Variants in SMYD3 observed in about 807,000 individuals in gnomAD.
SMYD3 encodes the protein SET and MYND domain containing 3, also known as histone-lysine N-methyltransferase SMYD3.
Under a neutral mutation model 57.7 loss-of-function variants are expected in SMYD3, and 36 were observed. The ratio of observed to expected loss-of-function variants is 0.62; its 90% confidence interval spans 0.48 to 0.82. The LOEUF is 0.82. SMYD3 is among the 40% of genes least tolerant of loss of function. SMYD3 has a pLI of 0.00. For missense variants in SMYD3, 515 were observed against 538.8 expected (o/e 0.96, Z 0.44); for synonymous variants, 211 against 195.0 (o/e 1.08, Z -0.68).
rs1025101352 is a variant in SMYD3 at position 245,907,934 on chromosome 1, G to A, written c.813+7596C>T. 7.9e-5 allele frequency among the ~76,000 whole-genome samples: 12 copies of A among 152,158 alleles called. No homozygotes were observed. The South Asian group carries it at 1.0e-3, about 13-fold the overall frequency. On this transcript the variant is annotated intron_variant, in intron 8 of 11. Transcript: ENST00000490107. ...GGGCAGATCACGAGGTCAGGAGATC[G>A]AGACCATCCTGGCCAATATGATGAA...
intron 1 of SMYD3, among the ~76,000 whole-genome samples, chr1:246,391,029 C>T (rs543038455): frequency 1.3e-5 from 2 of 152,146 alleles, no homozygotes; most frequent in Admixed American, 1.3e-4. Flanking sequence ...TCCAAAATTA[C>T]ATTAAGCATG....
At chr1:246,497,949 A>G (rs868449437) in intron 1 of SMYD3, among the ~76,000 whole-genome samples, 1 of 152,342 alleles carries the variant, frequency 6.6e-6, no homozygotes. Context: ...AGATATAAAT[A>G]TGGCCTTTAA....
intron 5 of SMYD3, among the ~76,000 whole-genome samples, chr1:246,274,256 T>C (rs539974371): frequency 6.6e-6 from 1 of 152,324 alleles, no homozygotes; most frequent in Non-Finnish European, 1.5e-5. Flanking sequence ...AGAGAACATA[T>C]CGTGAGTCTA....
intron 5 of SMYD3, among the ~76,000 whole-genome samples, chr1:246,157,995 T>G (rs542260281): frequency 8.5e-5 from 13 of 152,296 alleles, no homozygotes; most frequent in African/African-American, 2.9e-4. Context: ...GCACAGCAGA[T>G]TGAATGGACA....
In SMYD3 at chr1:245,814,326, A is replaced by T. The variant is rs1371921682; in HGVS notation, c.1076+44170T>A. ...CCACTGTCTTCATAGGAATATAAGA[A>T]AATTAAGGTAGATACCTGAAGCAGC... On this transcript the variant is annotated intron_variant, in intron 10 of 11. Coordinates refer to ENST00000490107, the MANE Select transcript of SMYD3 (RefSeq NM_001167740.2). 3 of 971,936 alleles carry T rather than the reference A, an allele frequency of 3.1e-6. No homozygotes were observed. In the East Asian group the frequency reaches 3.4e-4, roughly 111 times the overall value. 60.2% of individuals were successfully genotyped at this position (971,936 alleles called of 1,614,324 possible).
At chr1:245,913,128 A>T (rs1263979509) in intron 8 of SMYD3, among the ~76,000 whole-genome samples, 1 of 151,974 alleles carries the variant, frequency 6.6e-6, no homozygotes, top group African/African-American at 2.4e-5. Context: ...TCCAACAATG[A>T]TAGACTGGAT....
intron 1 of SMYD3, among the ~76,000 whole-genome samples, chr1:246,382,150 G>C (rs10924715): frequency 5.9e-5 from 7 of 119,350 alleles, no homozygotes; most frequent in African/African-American, 2.4e-4. Context: ...CGCAGGCTCC[G>C]GGCCAGTTCC....
At chr1:245,917,258 C>G (rs1031502046) in intron 7 of SMYD3, among the ~76,000 whole-genome samples, 2 of 152,188 alleles carry the variant, frequency 1.3e-5, no homozygotes, top group African/African-American at 4.8e-5. Flanking sequence ...TCTTGAACTC[C>G]TGGGCTCAAG....
chr1:246,506,980 C>CCCCCCCACCCCCCCCCCCCCCCCCCA, intron 1 of SMYD3, 74 bp downstream of exon 1: 1 of 802,606 alleles, frequency 1.2e-6, no homozygotes, highest in Non-Finnish European at 1.7e-6. Flanking sequence ...CGGCTGCCGG[C>CCCCCCCACCCCCCCCCCCCCCCCCCA]CGCCCGACGC....
At chr1:246,107,103 C>T (rs550274950) in intron 5 of SMYD3, among the ~76,000 whole-genome samples, 22 of 108,916 alleles carry the variant, frequency 2.0e-4, no homozygotes, top group Admixed American at 1.2e-3. Context: ...ATCGAGACCA[C>T]GGTGAAACCC....
chr1:246,348,484 GC>G (rs1052833004), intron 2 of SMYD3, among the ~76,000 whole-genome samples: 7 of 152,064 alleles, frequency 4.6e-5, no homozygotes, highest in African/African-American at 1.7e-4. Context: ...ATTATCCTAA[GC>G]AAAGTAGCAC....
At chr1:245,920,058 A>G (rs145432054) in intron 7 of SMYD3, among the ~76,000 whole-genome samples, 1 of 151,798 alleles carries the variant, frequency 6.6e-6, no homozygotes, top group Non-Finnish European at 1.5e-5. Context: ...TCACGCCTGT[A>G]ATCCCAGCAC....
intron 5 of SMYD3, among the ~76,000 whole-genome samples, chr1:246,280,822 G>A (rs2064426558): frequency 6.6e-6 from 1 of 152,152 alleles, no homozygotes; most frequent in Admixed American, 6.5e-5. Context: ...AGAGCTAACT[G>A]CATTCTATAG....
intron 5 of SMYD3, among the ~76,000 whole-genome samples, chr1:246,242,397 G>A (rs554104052): frequency 8.5e-5 from 13 of 152,080 alleles, no homozygotes; most frequent in Non-Finnish European, 1.6e-4. Flanking sequence ...GTAGTTGAGC[G>A]GTTTTGAGTG....
At chr1:245,877,017 AGGCTAT>A (rs1408136625) in intron 8 of SMYD3, among the ~76,000 whole-genome samples, 2 of 152,182 alleles carry the variant, frequency 1.3e-5, no homozygotes, top group East Asian at 3.9e-4. Context: ...TCAGGCTTGG[AGGCTAT>A]GGAAGCATTA....
intron 3 of SMYD3, among the ~76,000 whole-genome samples, chr1:246,335,071 A>G (rs2065519626): frequency 6.6e-6 from 1 of 152,242 alleles, no homozygotes; most frequent in South Asian, 2.1e-4. Flanking sequence ...ATGATGATGC[A>G]CTGAAGGGTC....
At chr1:245,972,206 C>G (rs922971102) in intron 5 of SMYD3, among the ~76,000 whole-genome samples, 1 of 152,202 alleles carries the variant, frequency 6.6e-6, no homozygotes, top group African/African-American at 2.4e-5. Flanking sequence ...GAATTGCACT[C>G]TATTTTCATT....
At chr1:246,199,828 A>T (rs1231012117) in intron 5 of SMYD3, among the ~76,000 whole-genome samples, 1 of 152,282 alleles carries the variant, frequency 6.6e-6, no homozygotes, top group African/African-American at 2.4e-5. Context: ...TGTAACAGAG[A>T]AGATGGAGAA....
At chr1:245,915,772 T>C (rs2055365100) in intron 7 of SMYD3, 132 bp from the exon 8 acceptor site, 1 of 557,130 alleles carries the variant, frequency 1.8e-6, no homozygotes, top group Non-Finnish European at 3.1e-6. Flanking sequence ...AGAGAGAAGG[T>C]ACTGCTTATA....
Sources: gnomAD v4.1 joint callset for allele counts (sites outside exome capture counted in the v4.1 genomes callset) on GRCh38, gnomAD v4.1.1 for gene constraint, MANE v1.5 for transcripts, NCBI Gene and HGNC (gene_info 2026-07-23, HGNC 2026-07-21) for gene names.